The following LHFPL3 variants were observed in gnomAD, a reference collection of about 807,000 sequenced individuals.
LHFPL3 encodes the protein LHFPL tetraspan subfamily member 3.
LHFPL3 carries 5 observed loss-of-function variants against 19.3 expected under a neutral mutation model. The ratio of observed to expected loss-of-function variants is 0.26; its 90% confidence interval spans 0.14 to 0.54. LHFPL3 has a LOEUF of 0.54. Among genes scored for constraint, LHFPL3 ranks in the 20% least tolerant of loss-of-function variants. The pLI, the probability that LHFPL3 is intolerant of heterozygous loss-of-function variation, is 0.94. For synonymous variants in LHFPL3, 133 were observed against 126.2 expected (o/e 1.05, Z -0.36); for missense variants, 249 against 307.4 (o/e 0.81, Z 1.42).
At chr7:104,558,719 A>T (rs1269593308) in intron 1 of LHFPL3, among the ~76,000 whole-genome samples, 4 of 150,298 alleles carry the variant, frequency 2.7e-5, no homozygotes, top group Admixed American at 2.6e-4. Context: ...TTTTGTTGCC[A>T]TTGCTTTTGG....
intron 1 of LHFPL3, among the ~76,000 whole-genome samples, chr7:104,524,635 G>T (rs185962957): frequency 2.0e-5 from 3 of 152,220 alleles, no homozygotes; most frequent in East Asian, 1.9e-4. Context: ...AGTATTGTTC[G>T]AGTCTTATAA....
At chr7:104,903,312 A>G (rs1168917508) in intron 2 of LHFPL3, among the ~76,000 whole-genome samples, 1 of 152,122 alleles carries the variant, frequency 6.6e-6, no homozygotes, top group African/African-American at 2.4e-5. Flanking sequence ...AATGATTCAC[A>G]CCAAAGCAGG....
chr7:104,507,034 T>C (rs1793712896), intron 1 of LHFPL3, among the ~76,000 whole-genome samples: 1 of 152,192 alleles, frequency 6.6e-6, no homozygotes, highest in African/African-American at 2.4e-5. Flanking sequence ...AGAGAACTGG[T>C]GTCTCTATTT....
intron 2 of LHFPL3, among the ~76,000 whole-genome samples, chr7:104,875,942 C>A (rs1362394735): frequency 1.3e-5 from 2 of 152,208 alleles, no homozygotes; most frequent in African/African-American, 4.8e-5. Context: ...GGCACATCCT[C>A]TTTATCCTTG....
At chr7:104,736,954 CA>C in intron 2 of LHFPL3, 43 bp downstream of exon 2, 9 of 1,453,462 alleles carry the variant, frequency 6.2e-6, no homozygotes, top group South Asian at 1.2e-5. Flanking sequence ...GCCTCAAGCA[CA>C]AAAAAATGGT....
intron 1 of LHFPL3, among the ~76,000 whole-genome samples, chr7:104,495,733 G>C (rs1287067950): frequency 9.2e-5 from 14 of 152,060 alleles, no homozygotes; most frequent in Admixed American, 6.6e-4. Flanking sequence ...ATGTTGCCCA[G>C]GCTGGTCTTG....
rs368067345 is a variant in LHFPL3 at position 104,368,049 on chromosome 7, A to G, written c.445+38825A>G. Among the ~76,000 whole-genome samples, 10 of 152,314 alleles carry G rather than the reference A, an allele frequency of 6.6e-5. 1 individual carries two copies. The South Asian group carries it at 2.1e-3, about 32-fold the overall frequency. Reference sequence around the variant, plus strand: ...CCAGCTTTCCTCTCATTAGGAATTCAGTGTTCTTGCTAGGATGTTTATCCA... The same window carrying G: ...CCAGCTTTCCTCTCATTAGGAATTCGGTGTTCTTGCTAGGATGTTTATCCA... On this transcript the variant is annotated intron_variant, in intron 1 of 2. Coordinates refer to ENST00000424859, the MANE Select transcript of LHFPL3 (RefSeq NM_199000.3).
chr7:104,808,872 C>A (rs187367204), intron 2 of LHFPL3, among the ~76,000 whole-genome samples: 5 of 148,610 alleles, frequency 3.4e-5, no homozygotes, highest in African/African-American at 9.9e-5. Context: ...TTCACCCCAA[C>A]ACCATAGATG....
chr7:104,771,847 C>T (rs1480215443), intron 2 of LHFPL3, among the ~76,000 whole-genome samples: 2 of 90,056 alleles, frequency 2.2e-5, no homozygotes, highest in African/African-American at 4.4e-5. Flanking sequence ...TTTTTTGAGA[C>T]GGTTTCGCTC....
chr7:104,348,178 A>G (rs1790108268), intron 1 of LHFPL3, among the ~76,000 whole-genome samples: 1 of 151,872 alleles, frequency 6.6e-6, no homozygotes, highest in African/African-American at 2.4e-5. Flanking sequence ...CGAGGTCAAG[A>G]GATGGAGACC....
At chr7:104,623,259 T>C (rs1791482085) in intron 1 of LHFPL3, among the ~76,000 whole-genome samples, 1 of 152,122 alleles carries the variant, frequency 6.6e-6, no homozygotes, top group Non-Finnish European at 1.5e-5. Flanking sequence ...TATTCCTCTT[T>C]CAATCTGGGC....
chr7:104,547,597 A>G (rs1256633329), intron 1 of LHFPL3, among the ~76,000 whole-genome samples: 1 of 152,182 alleles, frequency 6.6e-6, no homozygotes, highest in Non-Finnish European at 1.5e-5. Flanking sequence ...TATATAAGTC[A>G]TGGTTGCTGA....
chr7:104,425,029 G>T (rs73179935), intron 1 of LHFPL3, among the ~76,000 whole-genome samples: 8,766 of 143,096 alleles, frequency 0.061, 299 homozygotes, highest in Middle Eastern at 0.1. Context: ...CAAAATGTCA[G>T]TTGTGTTGAG....
Position 104,906,710 on chromosome 7 carries a change from G to A in LHFPL3, c.*495G>A, listed in dbSNP as rs1792622478. 1 of 153,162 alleles carries A rather than the reference G, an allele frequency of 6.5e-6. No individual in the cohort carries two copies. The highest frequency in any genetic ancestry group is 6.5e-5 in the Admixed American group (1 of 15,286). The allele number at this position is 153,162 out of a possible 1,614,324, so 9.5% of individuals were successfully genotyped here. A position where few individuals can be genotyped will look rare whatever the true frequency, so the allele number is the denominator to read the frequency against. ...CGTCATTTATTGAGGAAGCATCTTA[G>A]AAAATGCCTCTGAATGTTTTCATAG... On this transcript the variant is annotated 3_prime_UTR_variant, in exon 3 of 3. Transcript: ENST00000424859.
At chr7:104,732,547 C>T (rs753707953) in intron 1 of LHFPL3, among the ~76,000 whole-genome samples, 4 of 151,734 alleles carry the variant, frequency 2.6e-5, no homozygotes, top group Non-Finnish European at 5.9e-5. Flanking sequence ...GGTATTTTGT[C>T]TTTCTGTGGG....
chr7:104,405,574 T>G (rs1207726338), intron 1 of LHFPL3, among the ~76,000 whole-genome samples: 2 of 152,220 alleles, frequency 1.3e-5, no homozygotes, highest in African/African-American at 4.8e-5. Context: ...TATTCCCATC[T>G]TATAAATTGA....
At chr7:104,744,063 T>C (rs894215101) in intron 2 of LHFPL3, 1 of 151,686 alleles carries the variant, frequency 6.6e-6, no homozygotes, top group Non-Finnish European at 1.5e-5. Context: ...GTTGCCCAAC[T>C]GGTCTCGCGA....
chr7:104,377,793 A>T (rs541225435), intron 1 of LHFPL3, among the ~76,000 whole-genome samples: 91 of 152,324 alleles, frequency 6.0e-4, no homozygotes, highest in African/African-American at 1.9e-3. Context: ...TGCATATTTT[A>T]AAAAATGAAT....
chr7:104,554,688 T>TAGATAGATAGATAGAC (rs1554406558), intron 1 of LHFPL3, among the ~76,000 whole-genome samples: 2 of 120,956 alleles, frequency 1.7e-5, no homozygotes, highest in East Asian at 2.3e-4. Flanking sequence ...GATAGATAGA[T>TAGATAGATAGATAGAC]AGACAGACAG....
Sources: allele counts gnomAD v4.1 joint callset (sites outside exome capture counted in the v4.1 genomes callset), GRCh38; gene constraint gnomAD v4.1.1; transcripts MANE v1.5; gene names NCBI Gene and HGNC (gene_info 2026-07-23, HGNC 2026-07-21).